The following SLC25A48 variants were observed in gnomAD, a reference collection of about 807,000 sequenced individuals.
SLC25A48 encodes CTC-321K16.1.
SLC25A48 carries 29 observed loss-of-function variants against 32.2 expected under a neutral mutation model. The ratio of observed to expected loss-of-function variants is 0.90; its 90% confidence interval spans 0.67 to 1.23. The LOEUF (loss-of-function observed/expected upper bound fraction) is 1.23. Ranked by LOEUF, SLC25A48 falls within the 50% of genes most tolerant of loss-of-function variation. SLC25A48 has a pLI of 0.00. For synonymous variants in SLC25A48, 164 were observed against 172.3 expected, an observed-to-expected ratio of 0.95 and a Z score of 0.38; for missense variants, 399 against 422.7, an observed-to-expected ratio of 0.94 and a Z score of 0.49.
chr5:135,723,378 T>TCACACA (rs1444066866), intron 3 of SLC25A48, among the ~76,000 whole-genome samples: 54 of 54,508 alleles, frequency 9.9e-4, no homozygotes, highest in South Asian at 3.6e-3. Flanking sequence ...TCTCTCTCTC[T>TCACACA]CTCACACACA....
chr5:135,608,184 C>T (rs1044140605), intron 1 of SLC25A48, among the ~76,000 whole-genome samples: 9 of 152,208 alleles, frequency 5.9e-5, no homozygotes, highest in Non-Finnish European at 1.0e-4. Context: ...AGTCCTGATT[C>T]ATGCCCAAAC....
intron 3 of SLC25A48, among the ~76,000 whole-genome samples, chr5:135,763,534 TGGA>T (rs1338686735): frequency 1.3e-5 from 2 of 151,802 alleles, no homozygotes; most frequent in Non-Finnish European, 2.9e-5. Flanking sequence ...TGATATTCTA[TGGA>T]GGAGGAGGAG....
rs553909080 is a variant in SLC25A48 at position 135,880,011 on chromosome 5, C to A, written c.857C>A (p.Pro286His). ...ACTGTGAACGCGGTGCGGGGCTTCC[C>A]CATGAGTGCGGCCATGTTCCTTGGG... ...GITVNAVRGF[P>H]MSAAMFLGYE... is the part of the protein sequence containing the mutation. Residue 286 changes from proline (P) to histidine (H), a missense_variant, in exon 7 of 8, where the codon CCC (proline) becomes CAC (histidine). Coordinates refer to ENST00000681962, the MANE Select transcript of SLC25A48 (RefSeq NM_001349336.2). The A allele has an allele frequency of 6.5e-7, 1 of 1,536,256 alleles. No homozygotes were observed. The highest frequency in any genetic ancestry group is 2.4e-5 in the East Asian group (1 of 40,920).
chr5:135,866,348 C>T (rs555443096), intron 4 of SLC25A48, among the ~76,000 whole-genome samples: 1 of 152,290 alleles, frequency 6.6e-6, no homozygotes, highest in South Asian at 2.1e-4. Context: ...AAGGTCATGG[C>T]CCATTGAAGA....
At chr5:135,682,663 A>C in intron 3 of SLC25A48, among the ~76,000 whole-genome samples, 1 of 152,154 alleles carries the variant, frequency 6.6e-6, no homozygotes, top group East Asian at 1.9e-4. Flanking sequence ...AAGAGAAAAA[A>C]GGGCTGCTGG....
intron 3 of SLC25A48, among the ~76,000 whole-genome samples, chr5:135,773,643 A>G (rs1016434218): frequency 1.1e-4 from 16 of 151,638 alleles, no homozygotes; most frequent in African/African-American, 3.6e-4. Context: ...AATATCCCAG[A>G]ATGTGTACAC....
At chr5:135,812,022 C>G (rs1187970093) in intron 3 of SLC25A48, among the ~76,000 whole-genome samples, 1 of 152,148 alleles carries the variant, frequency 6.6e-6, no homozygotes, top group African/African-American at 2.4e-5. Flanking sequence ...GCAGAGGTTG[C>G]AGTGAGCTGA....
chr5:135,614,919 C>T (rs1289590084), intron 1 of SLC25A48, among the ~76,000 whole-genome samples: 2 of 152,110 alleles, frequency 1.3e-5, no homozygotes, highest in Non-Finnish European at 2.9e-5. Flanking sequence ...GTGTGTAGCA[C>T]CTCCCCCTTT....
intron 3 of SLC25A48, among the ~76,000 whole-genome samples, chr5:135,679,730 G>T (rs139177672): frequency 6.6e-6 from 1 of 152,174 alleles, no homozygotes; most frequent in Non-Finnish European, 1.5e-5. Context: ...GGCTCGGAAG[G>T]TCAATGGGGT....
chr5:135,731,088 C>G (rs1013482907), intron 3 of SLC25A48, among the ~76,000 whole-genome samples: 1 of 151,528 alleles, frequency 6.6e-6, no homozygotes, highest in Non-Finnish European at 1.5e-5. Context: ...GGGCTGAGTC[C>G]GAAAAGAGAG....
chr5:135,806,928 C>T lies in SLC25A48; in HGVS notation c.-520-5595C>T, dbSNP rs191524679. On this transcript the variant is annotated intron_variant, in intron 3 of 10. Coordinates refer to the SLC25A48 transcript ENST00000646290. Reference sequence around the variant, plus strand: ...AATGTCATTGATATTTTATTAATATCGTAGTGTGTTAACACTAGATATTTT... The same window carrying T: ...AATGTCATTGATATTTTATTAATATTGTAGTGTGTTAACACTAGATATTTT... Among the ~76,000 whole-genome samples, 803 of 149,830 alleles carry T rather than the reference C, an allele frequency of 5.4e-3. 4 individuals are homozygous for T. The highest frequency in any genetic ancestry group is 0.02 in the Middle Eastern group (2 of 102).
chr5:135,698,796 C>A (rs929618037), intron 3 of SLC25A48, among the ~76,000 whole-genome samples: 7 of 152,138 alleles, frequency 4.6e-5, no homozygotes, highest in Non-Finnish European at 1.0e-4. Flanking sequence ...GAAATACATA[C>A]ATCTGATCAA....
chr5:135,813,944 C>G (rs1302161897), intron 4 of SLC25A48, among the ~76,000 whole-genome samples: 1 of 152,150 alleles, frequency 6.6e-6, no homozygotes, highest in Non-Finnish European at 1.5e-5. Flanking sequence ...AGAAGTGAAT[C>G]CCCGAGAAAG....
intron 3 of SLC25A48, among the ~76,000 whole-genome samples, chr5:135,698,468 AG>A (rs1353231639): frequency 6.6e-6 from 1 of 152,248 alleles, no homozygotes; most frequent in African/African-American, 2.4e-5. Flanking sequence ...GCTTAAGAAA[AG>A]TCTGATCCTA....
At chr5:135,837,970 G>C (rs1435467282) in intron 1 of SLC25A48, among the ~76,000 whole-genome samples, 1 of 152,218 alleles carries the variant, frequency 6.6e-6, no homozygotes, top group African/African-American at 2.4e-5. Flanking sequence ...GGAACAGTTT[G>C]AAGGGCTCAG....
chr5:135,840,441 C>A (rs56273735), intron 1 of SLC25A48, among the ~76,000 whole-genome samples: 20,300 of 152,228 alleles, frequency 0.13, 1,768 homozygotes, highest in Middle Eastern at 0.2. Flanking sequence ...AATAGAAAAC[C>A]ATTTGAAAGT....
chr5:135,662,064 A>G (rs75658139), intron 3 of SLC25A48, among the ~76,000 whole-genome samples: 3,300 of 152,304 alleles, frequency 0.022, 46 homozygotes, highest in Non-Finnish European at 0.028. Context: ...CAATGCATAC[A>G]AATCCCTTCC....
chr5:135,737,329 G>A (rs1381968463), intron 3 of SLC25A48, among the ~76,000 whole-genome samples: 3 of 152,144 alleles, frequency 2.0e-5, no homozygotes, highest in Admixed American at 2.0e-4. Context: ...GCCAGGATGA[G>A]CCGGGAGAAG....
rs147343885 is a variant in SLC25A48, at chr5:135,649,997, T to A, written c.-521+15041T>A. Reference sequence around the variant, plus strand: ...GTGAATTAATGCAGCCTTTCCTACATCCACCCGCTTCTCCTGCCAGCCATC... The same window carrying A: ...GTGAATTAATGCAGCCTTTCCTACAACCACCCGCTTCTCCTGCCAGCCATC... On this transcript the variant is annotated intron_variant, in intron 3 of 10. Coordinates refer to the SLC25A48 transcript ENST00000646290. 8 of 165,350 alleles carry A rather than the reference T, an allele frequency of 4.8e-5. No individual in the cohort carries two copies. The East Asian group carries it at 1.5e-3, about 31-fold the overall frequency. The allele number at this position is 165,350 out of a possible 1,614,324, so 10.2% of individuals were successfully genotyped here.
Sources: allele counts gnomAD v4.1 joint callset (sites outside exome capture counted in the v4.1 genomes callset), GRCh38; gene constraint gnomAD v4.1.1; transcripts MANE v1.5; gene names NCBI Gene and HGNC (gene_info 2026-07-23, HGNC 2026-07-21).